The following CIP2A variants were observed in gnomAD, a reference collection of about 807,000 sequenced individuals.
CIP2A encodes protein CIP2A.
A neutral mutation model predicts 110.9 loss-of-function variants in CIP2A; 103 were observed. The ratio of observed to expected loss-of-function variants is 0.93; its 90% confidence interval spans 0.79 to 1.09. The LOEUF (loss-of-function observed/expected upper bound fraction) is 1.09, where lower values mean the gene tolerates loss of function less well. Among genes scored for constraint, CIP2A ranks in the 50% least tolerant of loss-of-function variants. The probability of loss-of-function intolerance (pLI) is 0.00; values close to 1 mark genes in which losing one functional copy is unlikely to be tolerated. For missense variants in CIP2A, 1,088 were observed against 1,038.4 expected, an observed-to-expected ratio of 1.05 and a Z score of -0.66; for synonymous variants, 381 against 361.6, an observed-to-expected ratio of 1.05 and a Z score of -0.61.
intron 11 of CIP2A, 49 bp from the exon 12 acceptor site, chr3:108,565,503 A>C: frequency 9.9e-7 from 1 of 1,009,374 alleles, no homozygotes; most frequent in Non-Finnish European, 1.5e-6. Flanking sequence ...AATTTCTTAG[A>C]GCTTGTTTCT....
intron 2 of CIP2A, 156 bp downstream of exon 2, chr3:108,584,909 A>G: frequency 1.9e-6 from 1 of 530,374 alleles, no homozygotes; most frequent in Non-Finnish European, 3.2e-6. Flanking sequence ...ATCGGTAGCT[A>G]TGACTTCCTC....
chr3:108,560,146 A>C, intron 14 of CIP2A, 118 bp from the exon 15 acceptor site: 1 of 628,452 alleles, frequency 1.6e-6, no homozygotes, highest in Non-Finnish European at 2.8e-6. Context: ...ACAAAATAAA[A>C]ACAAATGCTA....
Position 108,583,024 on chromosome 3 carries a change from CCAGCACACTATT to C in CIP2A, c.298_309del (p.Asn100_Leu103del). ...TGGCTGCTCCGACAAACCACTCCCG[CCAGCACACTATT>C]CAGATTATATGTATTCTGAAGACAA... On this transcript the variant is annotated inframe_deletion, in exon 3 of 21. Coordinates refer to ENST00000295746, the MANE Select transcript of CIP2A (RefSeq NM_020890.3). 1.9e-6 allele frequency: 3 copies of C among 1,609,928 alleles called. No homozygotes were observed. The highest frequency in any genetic ancestry group is 2.5e-6 in the Non-Finnish European group (3 of 1,178,082).
chr3:108,574,400 C>A (rs1440171541), intron 8 of CIP2A, among the ~76,000 whole-genome samples: 1 of 152,168 alleles, frequency 6.6e-6, no homozygotes, highest in South Asian at 2.1e-4. Flanking sequence ...ACTGGTCCAA[C>A]TGACTTTTTT....
intron 7 of CIP2A, among the ~76,000 whole-genome samples, chr3:108,576,693 CAGA>C (rs1356923885): frequency 1.3e-5 from 2 of 151,958 alleles, no homozygotes; most frequent in African/African-American, 2.4e-5. Context: ...ATTCAAAGGA[CAGA>C]AGAATATCCT....
intron 16 of CIP2A, among the ~76,000 whole-genome samples, chr3:108,559,429 T>C (rs1937922507): frequency 6.6e-6 from 1 of 152,114 alleles, no homozygotes. Context: ...GCTTGACATA[T>C]AAAATTAGGA....
In CIP2A at chr3:108,551,140, C is replaced by A; in HGVS notation, c.*9G>T. The A allele has an allele frequency of 1.6e-6, 2 of 1,290,098 alleles. No individual in the cohort carries two copies. Among genetic ancestry groups the A allele is most frequent in the South Asian group, 1.6e-5 (1 of 61,114 alleles). 79.9% of individuals were successfully genotyped at this position (1,290,098 alleles called of 1,614,324 possible). A position where few individuals can be genotyped will look rare whatever the true frequency, so the allele number is the denominator to read the frequency against. ...TCATGAGATTACAAATTCCAAAATG[C>A]CATAATGTCTATATACTGAGATTCA... On this transcript the variant is annotated 3_prime_UTR_variant, in exon 21 of 21. Transcript: ENST00000295746.
At position 108,589,426 on chromosome 3, in the gene CIP2A, G is replaced by A. The variant is rs372870545; in HGVS notation, c.-51C>T. On this transcript the variant is annotated 5_prime_UTR_variant, in exon 1 of 21. Coordinates refer to ENST00000295746, the MANE Select transcript of CIP2A (RefSeq NM_020890.3). ...GACCACCACCGCCCAGCGTGCGCCG[G>A]CCTTTAGCTTTCGCCGCGCTTTTTT... 3.0e-6 allele frequency: 4 copies of A among 1,355,588 alleles called. No homozygotes were observed. Among genetic ancestry groups the A allele is most frequent in the African/African-American group, 2.9e-5 (2 of 68,792 alleles). 84.0% of individuals were successfully genotyped at this position (1,355,588 alleles called of 1,614,324 possible). A position where few individuals can be genotyped will look rare whatever the true frequency, so the allele number is the denominator to read the frequency against.
chr3:108,578,064 T>C (rs774892866), intron 7 of CIP2A, among the ~76,000 whole-genome samples: 2 of 152,192 alleles, frequency 1.3e-5, no homozygotes, highest in Non-Finnish European at 2.9e-5. Flanking sequence ...ATTGGGTTAT[T>C]GTTCAATGGC....
At chr3:108,554,735 A>T (rs941550083) in intron 17 of CIP2A, among the ~76,000 whole-genome samples, 2 of 152,232 alleles carry the variant, frequency 1.3e-5, no homozygotes, top group African/African-American at 4.8e-5. Context: ...CATTAATCTC[A>T]TATTTATGGA....
intron 8 of CIP2A, among the ~76,000 whole-genome samples, chr3:108,570,459 T>G (rs1938354906): frequency 6.6e-6 from 1 of 152,132 alleles, no homozygotes; most frequent in Non-Finnish European, 1.5e-5. Context: ...AATTCCGTTG[T>G]GTGAACATCG....
At chr3:108,575,570 A>T (rs1488634906) in intron 8 of CIP2A, among the ~76,000 whole-genome samples, 2 of 150,022 alleles carry the variant, frequency 1.3e-5, no homozygotes, top group African/African-American at 5.0e-5. Context: ...ACGTGTATAT[A>T]TACTCATATA....
intron 19 of CIP2A, 129 bp downstream of exon 19, chr3:108,553,519 G>T: frequency 1.3e-6 from 1 of 773,194 alleles, no homozygotes; most frequent in Non-Finnish European, 2.0e-6. Context: ...TCAAGAAAAG[G>T]GAAGCCATTC....
In CIP2A at chr3:108,569,510, A is replaced by G. The variant is rs1236276479; in HGVS notation, c.992T>C (p.Leu331Pro). The G allele has an allele frequency of 6.2e-7, 1 of 1,612,802 alleles. No homozygotes were observed. The highest frequency in any genetic ancestry group is 8.5e-7 in the Non-Finnish European group (1 of 1,179,314). ...FEQSPPGSAT[L>P]GSHTKCLEPT... ...TTCTAAACATTTAGTATGGCTTCCC[A>G]GAGTGGCGCTGCCAGGTGGAGACTG... Residue 331 changes from leucine to proline, a missense_variant, in exon 9 of 21, where the codon CTG (leucine) becomes CCG (proline). Leu to Pro is a moderately conservative substitution (Grantham distance 98). Transcript: ENST00000295746.
At chr3:108,569,665 C>G in intron 8 of CIP2A, 58 bp from the exon 9 acceptor site, 2 of 1,277,690 alleles carry the variant, frequency 1.6e-6, no homozygotes, top group South Asian at 2.5e-5. Flanking sequence ...ATATACAAAG[C>G]AAGTGTATGA....
In CIP2A at chr3:108,579,437, A is replaced by G. The variant is rs1475854006; in HGVS notation, c.673-11T>C. The G allele has an allele frequency of 6.3e-7, 1 of 1,594,428 alleles. No homozygotes were observed. The highest frequency in any genetic ancestry group is 1.4e-5 in the African/African-American group (1 of 73,894). The stretch of plus-strand genomic sequence containing the variant: ...TCGAGCATGGAATAGCTTAAGGACA[A>G]ATTAGAAAAAGCATATTAGACAAAA... On this transcript the variant is annotated splice_polypyrimidine_tract_variant and intron_variant, in intron 6 of 20. Transcript: ENST00000295746.
intron 8 of CIP2A, among the ~76,000 whole-genome samples, chr3:108,575,316 G>GTATATATA (rs1199431516): frequency 6.9e-6 from 1 of 145,718 alleles, no homozygotes; most frequent in African/African-American, 2.7e-5. Context: ...ACACACACGT[G>GTATATATA]CATGTACACA....
chr3:108,553,896 T>TAAAAAAAAAAAAA (rs71103478), intron 18 of CIP2A, among the ~76,000 whole-genome samples, 166 bp from the exon 19 acceptor site: 1 of 84,192 alleles, frequency 1.2e-5, no homozygotes, highest in Admixed American at 1.3e-4. Context: ...ACTAAAAATA[T>TAAAAAAAAAAAAA]AAAAAAAAAA....
At chr3:108,583,547 T>G (rs151057590) in intron 2 of CIP2A, among the ~76,000 whole-genome samples, 56 of 152,228 alleles carry the variant, frequency 3.7e-4, no homozygotes, top group Middle Eastern at 3.4e-3. Flanking sequence ...AAAGTTGATC[T>G]CATGGAAGTG....
Sources: gnomAD v4.1 joint callset for allele counts (sites outside exome capture counted in the v4.1 genomes callset) on GRCh38, gnomAD v4.1.1 for gene constraint, MANE v1.5 for transcripts, NCBI Gene and HGNC (gene_info 2026-07-23, HGNC 2026-07-21) for gene names.